The following ADAMTS9 variants were observed in gnomAD, a reference collection of about 807,000 sequenced individuals.
ADAMTS9 encodes A disintegrin and metalloproteinase with thrombospondin motifs 9.
In ADAMTS9, 107 loss-of-function variants were observed where a neutral mutation model predicts 257.1. That is an observed-to-expected ratio of 0.42 (90% CI 0.36 to 0.49). ADAMTS9 has a LOEUF of 0.49. Ranked by LOEUF, ADAMTS9 falls within the 20% of genes least tolerant of loss-of-function variation. ADAMTS9 has a pLI of 0.03. For missense variants in ADAMTS9, 2,353 were observed against 2,469.1 expected (o/e 0.95, Z 1.00); for synonymous variants, 982 against 880.9 (o/e 1.11, Z -2.03).
intron 28 of ADAMTS9, among the ~76,000 whole-genome samples, chr3:64,571,021 T>A (rs149509257): frequency 6.6e-6 from 1 of 152,208 alleles, no homozygotes; most frequent in African/African-American, 2.4e-5. Flanking sequence ...CACAAGTCTA[T>A]ATGTAGGGAC....
Position 64,561,681 on chromosome 3 carries a change from G to C in ADAMTS9, c.4595C>G (p.Ala1532Gly). Reference protein sequence around the residue: ...VGCQIGTHKIARETECNPYTR... With the variant: ...VGCQIGTHKIGRETECNPYTR... ...GTATGGGTTGCACTCGGTCTCTCTG[G>C]CTATTTTGTGTGTTCCGATCTGACA... Residue 1532 changes from alanine (A) to glycine (G), a missense_variant, in exon 30 of 40, where the codon GCC becomes GGC. Around this residue, in one of 3 missense-constraint regions of ADAMTS9, gnomAD observed 1,402 missense variants for 1,441.4 expected, o/e 0.97. Transcript: ENST00000498707. 1.2e-6 allele frequency: 2 copies of C among 1,613,828 alleles called. No homozygotes were observed. The highest frequency in any genetic ancestry group is 1.7e-6 in the Non-Finnish European group (2 of 1,179,968).
chr3:64,648,161 G>C (rs2106939197), intron 10 of ADAMTS9, 117 bp from the exon 11 acceptor site: 3 of 893,464 alleles, frequency 3.4e-6, no homozygotes, highest in Non-Finnish European at 5.1e-6. Context: ...AGTGGGGAAG[G>C]AAATTCTTTT....
At chr3:64,601,136 C>T (rs527770207) in intron 26 of ADAMTS9, among the ~76,000 whole-genome samples, 59 of 152,142 alleles carry the variant, frequency 3.9e-4, no homozygotes, top group African/African-American at 1.3e-3. Context: ...TTTGTCAAGG[C>T]CTCCCTAATT....
At chr3:64,582,485 A>C (rs2084031065) in intron 28 of ADAMTS9, 1 of 152,176 alleles carries the variant, frequency 6.6e-6, no homozygotes, top group Admixed American at 6.5e-5. Context: ...ATGTCTGGTA[A>C]ATGCTGATGT....
chr3:64,558,554 G>C (rs117137398), intron 30 of ADAMTS9, among the ~76,000 whole-genome samples: 1 of 152,092 alleles, frequency 6.6e-6, no homozygotes, highest in Non-Finnish European at 1.5e-5. Flanking sequence ...AACCTGTGTG[G>C]CTGTACAGAA....
intron 28 of ADAMTS9, among the ~76,000 whole-genome samples, chr3:64,577,250 C>T (rs2083877822): frequency 2.0e-5 from 3 of 152,118 alleles, no homozygotes; most frequent in Admixed American, 2.0e-4. Flanking sequence ...CAATAATCAC[C>T]AGGCAGTGTT....
intron 38 of ADAMTS9, among the ~76,000 whole-genome samples, chr3:64,526,594 A>G (rs1020520964): frequency 2.0e-5 from 3 of 152,186 alleles, no homozygotes; most frequent in Admixed American, 2.0e-4. Context: ...CAGGGCCTTC[A>G]CGATACAGGC....
chr3:64,529,590 G>C (rs931070991), intron 38 of ADAMTS9, among the ~76,000 whole-genome samples: 1 of 152,204 alleles, frequency 6.6e-6, no homozygotes, highest in Non-Finnish European at 1.5e-5. Context: ...GATCGTAGTA[G>C]GTATCGAGTG....
At chr3:64,541,743 A>G in intron 33 of ADAMTS9, 95 bp downstream of exon 33, 1 of 1,577,058 alleles carries the variant, frequency 6.3e-7, no homozygotes. Flanking sequence ...TCCTTCAGAA[A>G]AAATTCTATA....
chr3:64,599,204 T>C (rs1354961468), intron 26 of ADAMTS9, among the ~76,000 whole-genome samples: 2 of 152,212 alleles, frequency 1.3e-5, no homozygotes, highest in Non-Finnish European at 2.9e-5. Flanking sequence ...GATGAAGTAT[T>C]GTACATAACC....
At chr3:64,556,581 A>C (rs1211514044) in intron 30 of ADAMTS9, among the ~76,000 whole-genome samples, 1 of 152,170 alleles carries the variant, frequency 6.6e-6, no homozygotes, top group Non-Finnish European at 1.5e-5. Flanking sequence ...TTGGCCTCCC[A>C]AAGTGCTGGG....
At chr3:64,647,684 AAAGTCTT>A (rs1217979441) in intron 11 of ADAMTS9, among the ~76,000 whole-genome samples, 1 of 152,248 alleles carries the variant, frequency 6.6e-6, no homozygotes, top group Non-Finnish European at 1.5e-5. Context: ...TAAATGAGAG[AAAGTCTT>A]AAGTTGACAG....
At chr3:64,547,068 A>G in intron 31 of ADAMTS9, 116 bp from the exon 32 acceptor site, 5 of 889,318 alleles carry the variant, frequency 5.6e-6, no homozygotes, top group Non-Finnish European at 8.5e-6. Context: ...GAAAGCTCCC[A>G]CTTCATTAGC....
chr3:64,536,186 C>T (rs1186328269), intron 37 of ADAMTS9, among the ~76,000 whole-genome samples: 2 of 152,192 alleles, frequency 1.3e-5, no homozygotes, highest in African/African-American at 4.8e-5. Context: ...AACAGGAGAT[C>T]ATCCTCCTCA....
At chr3:64,575,375 T>C (rs1433483138) in intron 28 of ADAMTS9, among the ~76,000 whole-genome samples, 2 of 152,180 alleles carry the variant, frequency 1.3e-5, no homozygotes, top group Non-Finnish European at 2.9e-5. Flanking sequence ...CTTCTGTCCC[T>C]AGCACAGAAT....
intron 30 of ADAMTS9, among the ~76,000 whole-genome samples, chr3:64,553,769 G>A (rs2083298221): frequency 6.6e-6 from 1 of 152,050 alleles, no homozygotes; most frequent in Non-Finnish European, 1.5e-5. Flanking sequence ...AACATAACTT[G>A]AAACCACTGT....
chr3:64,650,938 T>C, intron 9 of ADAMTS9, 79 bp downstream of exon 9: 1 of 1,396,036 alleles, frequency 7.2e-7, no homozygotes, highest in Non-Finnish European at 9.6e-7. Flanking sequence ...TTTGACTTCA[T>C]ATTGTCTTTC....
At chr3:64,541,749 C>A (rs2083125383) in intron 33 of ADAMTS9, 89 bp downstream of exon 33, 2 of 1,578,244 alleles carry the variant, frequency 1.3e-6, no homozygotes, top group Admixed American at 1.8e-5. Flanking sequence ...AGAAAAAATT[C>A]TATATTTCTA....
At chr3:64,608,258 C>CAAAAAAAAAAAAAAAAAAAAAAAACAAA (rs57247914) in intron 22 of ADAMTS9, among the ~76,000 whole-genome samples, 1 of 53,318 alleles carries the variant, frequency 1.9e-5, no homozygotes, top group African/African-American at 6.7e-5. Flanking sequence ...AAACTAAAAC[C>CAAAAAAAAAAAAAAAAAAAAAAAACAAA]AAAAAAAAAA....
Sources: allele counts gnomAD v4.1 joint callset (sites outside exome capture counted in the v4.1 genomes callset), GRCh38; gene constraint gnomAD v4.1.1; regional missense constraint gnomAD v4.1.1; transcripts MANE v1.5; gene names NCBI Gene and HGNC (gene_info 2026-07-23, HGNC 2026-07-21).